The following SETBP1 variants were observed in gnomAD, a reference collection of about 807,000 sequenced individuals.
The protein encoded by SETBP1 is SET binding protein 1.
A neutral mutation model predicts 101.0 loss-of-function variants in SETBP1; 9 were observed. The observed-to-expected ratio is 0.09, with a 90% CI of 0.05 to 0.16. The LOEUF is 0.16. Among genes scored for constraint, SETBP1 ranks in the 10% least tolerant of loss-of-function variants. SETBP1 has a pLI of 1.00. For missense variants in SETBP1, 1,858 were observed against 2,033.8 expected, an observed-to-expected ratio of 0.91 and a Z score of 1.66; for synonymous variants, 818 against 788.5, an observed-to-expected ratio of 1.04 and a Z score of -0.63.
intron 4 of SETBP1, among the ~76,000 whole-genome samples, chr18:45,013,580 C>T (rs1460113826): frequency 6.6e-6 from 1 of 152,168 alleles, no homozygotes; most frequent in African/African-American, 2.4e-5. Flanking sequence ...GCTGGGACTA[C>T]AGGTGCCTGC....
At chr18:44,685,704 G>A (rs1322225424) in intron 1 of SETBP1, among the ~76,000 whole-genome samples, 1 of 152,168 alleles carries the variant, frequency 6.6e-6, no homozygotes, top group African/African-American at 2.4e-5. Context: ...AACTCTGGGA[G>A]GATTTCCATG....
intron 3 of SETBP1, among the ~76,000 whole-genome samples, chr18:44,937,788 C>G (rs1382976343): frequency 6.6e-6 from 1 of 152,184 alleles, no homozygotes; most frequent in Non-Finnish European, 1.5e-5. Context: ...CCCCAGGTGA[C>G]TCTTGTGCGC....
chr18:44,963,899 C>CAAAAAAA (rs59077847), intron 4 of SETBP1, among the ~76,000 whole-genome samples: 4 of 41,614 alleles, frequency 9.6e-5, no homozygotes, highest in South Asian at 1.6e-3. Context: ...GACCCCATCT[C>CAAAAAAA]AAAAAAAAAA....
chr18:44,866,487 G>A (rs1362157415), intron 2 of SETBP1, among the ~76,000 whole-genome samples: 1 of 152,210 alleles, frequency 6.6e-6, no homozygotes, highest in Admixed American at 6.5e-5. Context: ...AACACATTGA[G>A]ATATGCAAAA....
chr18:44,946,654 T>C (rs1466296136), intron 3 of SETBP1, among the ~76,000 whole-genome samples: 1 of 152,250 alleles, frequency 6.6e-6, no homozygotes, highest in African/African-American at 2.4e-5. Context: ...TGCAGCTGTA[T>C]ATTTTGCCAT....
At chr18:45,027,056 A>C (rs1306523283) in intron 4 of SETBP1, among the ~76,000 whole-genome samples, 1 of 152,204 alleles carries the variant, frequency 6.6e-6, no homozygotes, top group Admixed American at 6.5e-5. Context: ...TCTCCATTCT[A>C]AATGATGTCA....
intron 2 of SETBP1, among the ~76,000 whole-genome samples, chr18:44,785,053 T>G (rs1017397734): frequency 1.3e-5 from 2 of 152,208 alleles, no homozygotes; most frequent in Non-Finnish European, 2.9e-5. Context: ...TGGGAATCAA[T>G]CATCCCATAT....
At chr18:44,776,751 T>C (rs1252132960) in intron 2 of SETBP1, among the ~76,000 whole-genome samples, 1 of 152,206 alleles carries the variant, frequency 6.6e-6, no homozygotes, top group Non-Finnish European at 1.5e-5. Flanking sequence ...CTAGGAAATT[T>C]AGGGCTTAGG....
intron 3 of SETBP1, among the ~76,000 whole-genome samples, chr18:44,883,471 A>G (rs1221940685): frequency 6.6e-6 from 1 of 152,150 alleles, no homozygotes. Flanking sequence ...TAATAACTCC[A>G]CTTTCCTTAA....
At chr18:44,860,898 A>G (rs1360782058) in intron 2 of SETBP1, among the ~76,000 whole-genome samples, 2 of 152,190 alleles carry the variant, frequency 1.3e-5, no homozygotes, top group Admixed American at 6.5e-5. Context: ...GCATCTTTAC[A>G]GAGATAAGCT....
rs140134928 is a variant in SETBP1, at chr18:44,819,012, A to G, written c.487-50218A>G. ...TGTGTGTCTGTGTGTGTGTGTGTATACACACACATTTACTTTAATGGTTTA... is the reference window on the plus strand; with the variant it reads ...TGTGTGTCTGTGTGTGTGTGTGTATGCACACACATTTACTTTAATGGTTTA... On this transcript the variant is annotated intron_variant, in intron 2 of 5. Coordinates refer to ENST00000649279, the MANE Select transcript of SETBP1 (RefSeq NM_015559.3). Among the ~76,000 whole-genome samples the G allele has an allele frequency of 7.6e-3, 1,156 of 151,854 alleles. 16 individuals carry two copies. The highest frequency in any genetic ancestry group is 0.026 in the African/African-American group (1,088 of 41,338).
At chr18:44,741,247 A>C (rs2070090687) in intron 2 of SETBP1, among the ~76,000 whole-genome samples, 1 of 152,206 alleles carries the variant, frequency 6.6e-6, no homozygotes. Context: ...GGAGATAGGC[A>C]TTAAACAAGC....
intron 4 of SETBP1, among the ~76,000 whole-genome samples, chr18:44,964,285 G>T (rs1384188643): frequency 1.3e-5 from 2 of 152,118 alleles, no homozygotes; most frequent in Non-Finnish European, 2.9e-5. Context: ...GGGCAAAGTG[G>T]CTCACACCTG....
chr18:44,686,244 C>A (rs2068838388), intron 1 of SETBP1, among the ~76,000 whole-genome samples: 1 of 152,244 alleles, frequency 6.6e-6, no homozygotes, highest in South Asian at 2.1e-4. Context: ...AGCTGGTTTG[C>A]CCTGCCTGGC....
intron 2 of SETBP1, among the ~76,000 whole-genome samples, chr18:44,723,473 A>G (rs2069642719): frequency 1.3e-5 from 2 of 152,220 alleles, no homozygotes; most frequent in Admixed American, 6.5e-5. Context: ...GATTTGTTCA[A>G]GATCACATGG....
chr18:44,826,463 G>A (rs2072241192), intron 2 of SETBP1, among the ~76,000 whole-genome samples: 1 of 152,118 alleles, frequency 6.6e-6, no homozygotes, highest in Admixed American at 6.5e-5. Flanking sequence ...CCCAGTGGCT[G>A]GGCTCCCAGG....
intron 2 of SETBP1, among the ~76,000 whole-genome samples, chr18:44,719,686 C>T (rs2069542629): frequency 6.6e-6 from 1 of 152,240 alleles, no homozygotes; most frequent in Non-Finnish European, 1.5e-5. Context: ...GCCTTTCCTT[C>T]TGGCTTCATT....
intron 5 of SETBP1, among the ~76,000 whole-genome samples, chr18:45,042,623 G>C (rs1438284026): frequency 6.6e-6 from 1 of 152,222 alleles, no homozygotes; most frequent in Non-Finnish European, 1.5e-5. Flanking sequence ...ATATGAGTCA[G>C]GGGTTTACAA....
chr18:45,015,247 TCTCTA>T (rs575099273), intron 4 of SETBP1, among the ~76,000 whole-genome samples: 1 of 152,196 alleles, frequency 6.6e-6, no homozygotes, highest in Non-Finnish European at 1.5e-5. Flanking sequence ...GTATTTCCAC[TCTCTA>T]CTCTAGGGGT....
Sources: allele counts gnomAD v4.1 joint callset (sites outside exome capture counted in the v4.1 genomes callset), GRCh38; gene constraint gnomAD v4.1.1; transcripts MANE v1.5; gene names NCBI Gene and HGNC (gene_info 2026-07-23, HGNC 2026-07-21).